Variants in CECR2 observed in about 807,000 individuals in gnomAD.
The protein encoded by CECR2 is CECR2 histone acetyl-lysine reader.
Under a neutral mutation model 154.5 loss-of-function variants are expected in CECR2, and 30 were observed. The ratio of observed to expected loss-of-function variants is 0.19; its 90% CI spans 0.15 to 0.26. CECR2 has a LOEUF of 0.26. CECR2 is among the 10% of genes least tolerant of loss of function. The probability of loss-of-function intolerance (pLI) is 1.00; values close to 1 mark genes in which losing one functional copy is unlikely to be tolerated. For synonymous variants in CECR2, 725 were observed against 683.7 expected (o/e 1.06, Z -0.94); for missense variants, 1,743 against 1,829.3 (o/e 0.95, Z 0.86).
chr22:17,385,318 T>C (rs1236638662), intron 1 of CECR2, among the ~76,000 whole-genome samples: 2 of 152,236 alleles, frequency 1.3e-5, no homozygotes, highest in African/African-American at 2.4e-5. Flanking sequence ...GCACGCCTTC[T>C]TCATGAAGCT....
At chr22:17,500,999 GT>G (rs942588699) in intron 5 of CECR2, among the ~76,000 whole-genome samples, 10 of 152,232 alleles carry the variant, frequency 6.6e-5, no homozygotes, top group African/African-American at 1.9e-4. Context: ...GAACAAGACA[GT>G]TTTTTTCATT....
chr22:17,476,886 C>T (rs1487339226), intron 1 of CECR2, among the ~76,000 whole-genome samples: 3 of 152,170 alleles, frequency 2.0e-5, no homozygotes, highest in African/African-American at 7.2e-5. Context: ...TCCCCACCAC[C>T]ACTTTTTGTC....
At chr22:17,426,177 C>T (rs1166740259) in intron 1 of CECR2, among the ~76,000 whole-genome samples, 1 of 152,004 alleles carries the variant, frequency 6.6e-6, no homozygotes, top group Non-Finnish European at 1.5e-5. Flanking sequence ...ATCCAAAAGA[C>T]ACTGGTCTTT....
intron 1 of CECR2, among the ~76,000 whole-genome samples, chr22:17,405,813 A>C (rs2053976037): frequency 6.6e-6 from 1 of 152,108 alleles, no homozygotes; most frequent in Non-Finnish European, 1.5e-5. Context: ...GTAAATAAAA[A>C]TAGTTTTGCA....
chr22:17,374,303 A>T (rs567013853), intron 1 of CECR2, among the ~76,000 whole-genome samples: 2 of 152,320 alleles, frequency 1.3e-5, no homozygotes, highest in East Asian at 3.9e-4. Flanking sequence ...GGCAATATTC[A>T]GATTCTTGAA....
chr22:17,460,607 G>A, intron 1 of CECR2, among the ~76,000 whole-genome samples: 1 of 152,146 alleles, frequency 6.6e-6, no homozygotes, highest in Non-Finnish European at 1.5e-5. Flanking sequence ...TCAGTTTCTT[G>A]CCCCATCAGT....
At position 17,378,378 on chromosome 22, in the gene CECR2, C is replaced by G. The variant is rs543510103; in HGVS notation, c.126+8469C>G. Among the ~76,000 whole-genome samples, 1,402 of 150,306 alleles carry G rather than the reference C, an allele frequency of 9.3e-3. 22 individuals carry two copies. Among genetic ancestry groups the G allele is most frequent in the African/African-American group, 0.033 (1,329 of 40,830 alleles). ...GTGGCACGATCTCGGCTCACTGCAA[C>G]CTCTGCCTCCCGGGTTCACACCATT... is the stretch of plus-strand genomic sequence containing the variant. On this transcript the variant is annotated intron_variant, in intron 1 of 18. Coordinates refer to ENST00000262608, the MANE Select transcript of CECR2 (RefSeq NM_001290047.2).
chr22:17,541,238 G>A (rs1216952466), intron 14 of CECR2, among the ~76,000 whole-genome samples: 1 of 152,188 alleles, frequency 6.6e-6, no homozygotes, highest in Admixed American at 6.5e-5. Context: ...GGGCGATCAC[G>A]AGGTCAGGAG....
At chr22:17,432,043 T>C (rs1475695267) in intron 1 of CECR2, among the ~76,000 whole-genome samples, 1 of 149,558 alleles carries the variant, frequency 6.7e-6, no homozygotes, top group Non-Finnish European at 1.5e-5. Flanking sequence ...CCCCACTTTG[T>C]GCCTGTATGG....
intron 1 of CECR2, among the ~76,000 whole-genome samples, chr22:17,456,651 C>T (rs117292258): frequency 0.011 from 1,736 of 152,132 alleles, 18 homozygotes; most frequent in Non-Finnish European, 0.017. Flanking sequence ...CAGAAACATC[C>T]CTTTTTTAAA....
At chr22:17,544,920 T>G (rs535566209) in intron 16 of CECR2, among the ~76,000 whole-genome samples, 2 of 150,012 alleles carry the variant, frequency 1.3e-5, no homozygotes, top group African/African-American at 4.9e-5. Context: ...TACAATGAGC[T>G]ATGATTGCAC....
intron 2 of CECR2, among the ~76,000 whole-genome samples, chr22:17,493,460 C>G (rs1211415392): frequency 6.6e-6 from 1 of 152,112 alleles, no homozygotes; most frequent in Non-Finnish European, 1.5e-5. Context: ...TCAAATCACC[C>G]TTAGCCAGTG....
intron 1 of CECR2, among the ~76,000 whole-genome samples, chr22:17,417,238 G>GTTATAAC (rs2054169969): frequency 6.6e-6 from 1 of 152,110 alleles, no homozygotes; most frequent in Non-Finnish European, 1.5e-5. Context: ...CCATTGAGTG[G>GTTATAAC]CACTATCTTT....
At chr22:17,365,685 G>C (rs2062998695), upstream of CECR2, among the ~76,000 whole-genome samples, 1 of 152,050 alleles carries the variant, frequency 6.6e-6, no homozygotes, top group South Asian at 2.1e-4. Flanking sequence ...GACAGATCAA[G>C]ACTGTCTCGG....
chr22:17,516,757 G>T (rs1211257486), intron 8 of CECR2, among the ~76,000 whole-genome samples: 2 of 152,070 alleles, frequency 1.3e-5, no homozygotes, highest in African/African-American at 4.8e-5. Context: ...ACCACGCCTG[G>T]CTAATTTTGT....
At chr22:17,435,268 G>A (rs945473270) in intron 1 of CECR2, among the ~76,000 whole-genome samples, 2 of 151,920 alleles carry the variant, frequency 1.3e-5, no homozygotes, top group African/African-American at 4.8e-5. Flanking sequence ...CAAAACAAAC[G>A]TTGCTGCCTG....
At chr22:17,506,420 C>A (rs528751710) in intron 7 of CECR2, among the ~76,000 whole-genome samples, 2 of 152,312 alleles carry the variant, frequency 1.3e-5, no homozygotes, top group Admixed American at 1.3e-4. Flanking sequence ...AGCCACCACA[C>A]CTGGCCCCCT....
chr22:17,519,534 A>G (rs1248377036), intron 8 of CECR2, among the ~76,000 whole-genome samples: 1 of 152,136 alleles, frequency 6.6e-6, no homozygotes, highest in Non-Finnish European at 1.5e-5. Context: ...CTGGGATTAC[A>G]GGCATGGGCC....
At chr22:17,370,308 G>A in intron 1 of CECR2, among the ~76,000 whole-genome samples, 1 of 148,860 alleles carries the variant, frequency 6.7e-6, no homozygotes, top group South Asian at 2.1e-4. Flanking sequence ...CTGCTCCGGC[G>A]GGGCCGGGCG....
Sources: allele counts gnomAD v4.1 joint callset (sites outside exome capture counted in the v4.1 genomes callset), GRCh38; gene constraint gnomAD v4.1.1; transcripts MANE v1.5; gene names NCBI Gene and HGNC (gene_info 2026-07-23, HGNC 2026-07-21).